The following WDFY3 variants were observed in gnomAD, a reference collection of about 807,000 sequenced individuals.
The protein encoded by WDFY3 is WD repeat and FYVE domain containing 3.
A neutral mutation model predicts 409.6 loss-of-function variants in WDFY3; 66 were observed. The observed-to-expected ratio is 0.16, with a 90% CI of 0.13 to 0.20. The LOEUF (loss-of-function observed/expected upper bound fraction) is 0.20. Among genes scored for constraint, WDFY3 ranks in the 10% least tolerant of loss-of-function variants. WDFY3 has a pLI of 1.00. For missense variants in WDFY3, 3,031 were observed against 4,298.1 expected, an observed-to-expected ratio of 0.71 and a Z score of 8.24; for synonymous variants, 1,521 against 1,537.1, an observed-to-expected ratio of 0.99 and a Z score of 0.25.
chr4:84,820,331 C>T, intron 11 of WDFY3, 145 bp from the exon 12 acceptor site: 2 of 533,810 alleles, frequency 3.7e-6, no homozygotes, highest in Non-Finnish European at 6.0e-6. Flanking sequence ...TAAAACGATG[C>T]ATGCATCCAA....
chr4:84,859,461 T>A (rs1760247515), intron 4 of WDFY3, among the ~76,000 whole-genome samples: 1 of 152,206 alleles, frequency 6.6e-6, no homozygotes, highest in Non-Finnish European at 1.5e-5. Context: ...TTTAAAAGTC[T>A]TTCATGGCGG....
chr4:84,942,671 AACATCATC>A (rs1772293917), intron 1 of WDFY3, among the ~76,000 whole-genome samples: 2 of 152,322 alleles, frequency 1.3e-5, no homozygotes, highest in South Asian at 2.1e-4. Flanking sequence ...TACCAAACTT[AACATCATC>A]AGATTTTACA....
chr4:84,679,420 G>T (rs1042747451), intron 64 of WDFY3, among the ~76,000 whole-genome samples, 178 bp from the exon 65 acceptor site: 13 of 152,130 alleles, frequency 8.5e-5, no homozygotes, highest in African/African-American at 2.7e-4. Flanking sequence ...AGAGAGCAAA[G>T]AAATAAAAAA....
At chr4:84,963,429 GAA>G (rs1167259617) in intron 1 of WDFY3, among the ~76,000 whole-genome samples, 2 of 59,908 alleles carry the variant, frequency 3.3e-5, no homozygotes, top group African/African-American at 1.3e-4. Context: ...CATCTCAAAA[GAA>G]AAAAAAAAAA....
intron 3 of WDFY3, among the ~76,000 whole-genome samples, chr4:84,866,526 G>C (rs890332300): frequency 6.6e-6 from 1 of 152,226 alleles, no homozygotes; most frequent in Non-Finnish European, 1.5e-5. Flanking sequence ...AAGTGCCCTG[G>C]ATGGGCTGTG....
chr4:84,798,898 T>C (rs1283492386), intron 17 of WDFY3, among the ~76,000 whole-genome samples: 1 of 152,092 alleles, frequency 6.6e-6, no homozygotes, highest in Non-Finnish European at 1.5e-5. Flanking sequence ...ATTTCTGTAG[T>C]TGAAAACACA....
chr4:84,709,614 AGT>A (rs2148991025), intron 51 of WDFY3, among the ~76,000 whole-genome samples: 1 of 152,362 alleles, frequency 6.6e-6, no homozygotes, highest in East Asian at 1.9e-4. Context: ...GTTTGAGTTG[AGT>A]ATTTATAACT....
At chr4:84,679,839 T>TACAC (rs1191374621) in intron 64 of WDFY3, among the ~76,000 whole-genome samples, 9 of 148,476 alleles carry the variant, frequency 6.1e-5, no homozygotes, top group East Asian at 3.9e-4. Context: ...TATATATATA[T>TACAC]ATACACACAC....
At chr4:84,890,915 G>A (rs947031107) in intron 3 of WDFY3, among the ~76,000 whole-genome samples, 3 of 152,172 alleles carry the variant, frequency 2.0e-5, no homozygotes, top group African/African-American at 7.2e-5. Context: ...TTCCCAAGTA[G>A]CTGGGACTAC....
intron 2 of WDFY3, among the ~76,000 whole-genome samples, chr4:84,927,040 G>A (rs956188048): frequency 6.6e-6 from 1 of 152,038 alleles, no homozygotes; most frequent in South Asian, 2.1e-4. Context: ...TGACTTAAAC[G>A]TCCAAATCTA....
intron 4 of WDFY3, among the ~76,000 whole-genome samples, chr4:84,859,884 T>C (rs910106906): frequency 5.3e-5 from 8 of 152,196 alleles, no homozygotes; most frequent in Non-Finnish European, 1.0e-4. Flanking sequence ...CTAAAAAAAT[T>C]GTTATTTTAA....
At chr4:84,796,840 A>C in intron 18 of WDFY3, 88 bp from the exon 19 acceptor site, 1 of 1,065,042 alleles carries the variant, frequency 9.4e-7, no homozygotes, top group Non-Finnish European at 1.4e-6. Context: ...ATACCACTTC[A>C]GTTTCAATAG....
intron 10 of WDFY3, among the ~76,000 whole-genome samples, chr4:84,821,782 A>G (rs1287910809): frequency 2.0e-5 from 3 of 152,378 alleles, no homozygotes; most frequent in African/African-American, 7.2e-5. Context: ...ATTCAAAAAT[A>G]GTGTATGTTG....
Position 84,672,903 on chromosome 4 carries a change from C to G in WDFY3, c.10546G>C (p.Glu3516Gln). 5 of 1,614,066 alleles carry G rather than the reference C, an allele frequency of 3.1e-6. No individual in the cohort carries two copies. Among genetic ancestry groups the G allele is most frequent in the Non-Finnish European group, 4.2e-6 (5 of 1,179,980 alleles). ...CGAGGCCCATCTTCTGAACCTCTCT[C>G]ATGCTGTAAGTTATAATAACAGTTC... is the stretch of plus-strand genomic sequence containing the variant. ...CQNCYYNLQH[E>Q]RGSEDGPRNC is the part of the protein sequence containing the mutation. Residue 3516 changes from glutamate (E) to glutamine (Q), a missense_variant, in exon 68 of 68, where the codon GAG becomes CAG. Coordinates refer to ENST00000295888, the MANE Select transcript of WDFY3 (RefSeq NM_014991.6).
At chr4:84,744,976 G>A (rs1178952531) in intron 36 of WDFY3, among the ~76,000 whole-genome samples, 1 of 151,982 alleles carries the variant, frequency 6.6e-6, no homozygotes, top group Admixed American at 6.6e-5. Flanking sequence ...TTTTTGTAAG[G>A]AGGACGGTGA....
At chr4:84,690,857 T>C (rs1411758210) in intron 60 of WDFY3, among the ~76,000 whole-genome samples, 193 bp from the exon 61 acceptor site, 2 of 152,152 alleles carry the variant, frequency 1.3e-5, no homozygotes, top group Non-Finnish European at 1.5e-5. Flanking sequence ...CTCCAAACTA[T>C]TGTTGCTGCT....
At chr4:84,752,107 G>A (rs907443561) in intron 35 of WDFY3, among the ~76,000 whole-genome samples, 1 of 152,028 alleles carries the variant, frequency 6.6e-6, no homozygotes, top group African/African-American at 2.4e-5. Flanking sequence ...TAGCATGTAA[G>A]GGGTGATCCA....
intron 12 of WDFY3, among the ~76,000 whole-genome samples, chr4:84,818,055 G>A (rs1753561490): frequency 6.6e-6 from 1 of 152,164 alleles, no homozygotes; most frequent in Admixed American, 6.5e-5. Context: ...CACAGGTAGA[G>A]CATAAGAACA....
At chr4:84,884,341 TTGAC>T (rs1763909796) in intron 3 of WDFY3, among the ~76,000 whole-genome samples, 1 of 152,118 alleles carries the variant, frequency 6.6e-6, no homozygotes, top group Non-Finnish European at 1.5e-5. Flanking sequence ...ATTTTAATTT[TTGAC>T]TGATTTAAAA....
Sources: allele counts gnomAD v4.1 joint callset (sites outside exome capture counted in the v4.1 genomes callset), GRCh38; gene constraint gnomAD v4.1.1; transcripts MANE v1.5; gene names NCBI Gene and HGNC (gene_info 2026-07-23, HGNC 2026-07-21).